The following FIRRM variants were observed in gnomAD, a reference collection of about 807,000 sequenced individuals.
The protein encoded by FIRRM is FIGNL1-interacting regulator of recombination and mitosis.
chr1:169,834,184 T>C, the FIRRM span, among the ~76,000 whole-genome samples: 8 of 152,184 alleles, frequency 5.3e-5, no homozygotes, highest in African/African-American at 1.9e-4. Flanking sequence ...GTTTTCTAAA[T>C]TTTTCCAAAT....
the FIRRM span, among the ~76,000 whole-genome samples, chr1:169,814,542 A>G: frequency 1.3e-5 from 2 of 152,226 alleles, no homozygotes; most frequent in African/African-American, 4.8e-5. Context: ...TTTCTCAGTA[A>G]AAAGTTATTG....
At chr1:169,784,569 T>G in the FIRRM span, among the ~76,000 whole-genome samples, 23 of 152,332 alleles carry the variant, frequency 1.5e-4, no homozygotes, top group African/African-American at 5.5e-4. Context: ...TTGCTTGCTT[T>G]AATACATTTC....
At chr1:169,839,274 C>T in the FIRRM span, among the ~76,000 whole-genome samples, 6 of 152,018 alleles carry the variant, frequency 3.9e-5, no homozygotes, top group East Asian at 3.9e-4. Context: ...TGTTTTCTTT[C>T]GGATATGTAC....
the FIRRM span, among the ~76,000 whole-genome samples, chr1:169,813,156 A>G: frequency 6.6e-6 from 1 of 152,224 alleles, no homozygotes; most frequent in South Asian, 2.1e-4. Flanking sequence ...TTTGGATTAT[A>G]GTGTGTATTA....
At chr1:169,824,057 C>G in the FIRRM span, among the ~76,000 whole-genome samples, 1 of 152,036 alleles carries the variant, frequency 6.6e-6, no homozygotes, top group Non-Finnish European at 1.5e-5. Flanking sequence ...ATTTAGTGTC[C>G]CAGACAACTT....
the FIRRM span, among the ~76,000 whole-genome samples, chr1:169,813,129 G>T: frequency 6.6e-6 from 1 of 152,084 alleles, no homozygotes; most frequent in East Asian, 1.9e-4. Flanking sequence ...TTAATTTTAT[G>T]GCACTATTTA....
At chr1:169,829,775 T>C in the FIRRM span, among the ~76,000 whole-genome samples, 2 of 152,292 alleles carry the variant, frequency 1.3e-5, no homozygotes, top group East Asian at 1.9e-4. Context: ...AGACATAATA[T>C]AGATTTTAAA....
At chr1:169,850,352 T>C in the FIRRM span, 1 of 1,576,694 alleles carries the variant, frequency 6.3e-7, no homozygotes, top group South Asian at 1.1e-5. Flanking sequence ...GAAGGTACTT[T>C]CTTTACATGG....
At chr1:169,815,811 C>G in the FIRRM span, among the ~76,000 whole-genome samples, 13 of 152,186 alleles carry the variant, frequency 8.5e-5, no homozygotes, top group African/African-American at 3.1e-4. Context: ...GGTTAAAACA[C>G]CTCTGACATA....
At chr1:169,853,018 G>A in the FIRRM span, 1 of 1,604,758 alleles carries the variant, frequency 6.2e-7, no homozygotes, top group South Asian at 1.1e-5. Flanking sequence ...TGGGTTTGAT[G>A]CTTTGTCAAC....
At chr1:169,832,565 C>A in the FIRRM span, 1 of 1,196,024 alleles carries the variant, frequency 8.4e-7, no homozygotes, top group Non-Finnish European at 1.2e-6. Flanking sequence ...TGGATTCAGA[C>A]TCCTTTGATA....
At chr1:169,843,601 C>A in the FIRRM span, 1 of 856,774 alleles carries the variant, frequency 1.2e-6, no homozygotes. Flanking sequence ...ATAATAAATG[C>A]TCAATAAAAG....
At chr1:169,816,726 G>A in the FIRRM span, among the ~76,000 whole-genome samples, 1 of 152,108 alleles carries the variant, frequency 6.6e-6, no homozygotes, top group Non-Finnish European at 1.5e-5. Flanking sequence ...CACAGGTAAG[G>A]AACCCTGTAC....
At chr1:169,802,707 T>C in the FIRRM span, 1 of 1,607,510 alleles carries the variant, frequency 6.2e-7, no homozygotes, top group Non-Finnish European at 8.5e-7. Context: ...TCCAGACCAC[T>C]CTAAGGAATA....
the FIRRM span, among the ~76,000 whole-genome samples, chr1:169,831,758 G>A: frequency 6.6e-6 from 1 of 152,026 alleles, no homozygotes; most frequent in African/African-American, 2.4e-5. Flanking sequence ...TTTGTTAGTG[G>A]TGGTTTTTTT....
chr1:169,850,727 T>TA, the FIRRM span: 3 of 168,990 alleles, frequency 1.8e-5, no homozygotes, highest in African/African-American at 7.2e-5. Context: ...ACTGGGGAGG[T>TA]AGAGATTGCA....
the FIRRM span, among the ~76,000 whole-genome samples, chr1:169,811,749 CTAAATAGATAATAGACAG>C: frequency 6.7e-6 from 1 of 149,412 alleles, no homozygotes; most frequent in African/African-American, 2.5e-5. Context: ...GACAGATTAT[CTAAATAGATAATAGACAG>C]ATTATCTAAA....
the FIRRM span, chr1:169,832,333 T>C: frequency 9.4e-6 from 8 of 855,354 alleles, no homozygotes; most frequent in South Asian, 1.2e-4. Context: ...GAGCTGCTAT[T>C]AATATTTTGG....
the FIRRM span, among the ~76,000 whole-genome samples, chr1:169,802,061 TAGAA>T: frequency 6.6e-6 from 1 of 152,194 alleles, no homozygotes; most frequent in South Asian, 2.1e-4. Flanking sequence ...TTTAAATTGT[TAGAA>T]AGATCCAAGT....
Sources: allele counts gnomAD v4.1 joint callset (sites outside exome capture counted in the v4.1 genomes callset), GRCh38; gene constraint gnomAD v4.1.1; transcripts MANE v1.5; gene names NCBI Gene and HGNC (gene_info 2026-07-23, HGNC 2026-07-21).